AFAP1L2: variants seen among roughly 807,000 people sequenced by gnomAD.
The protein encoded by AFAP1L2 is actin filament associated protein 1 like 2, also known as actin filament-associated protein 1-like 2.
AFAP1L2 carries 46 observed loss-of-function variants against 99.3 expected under a neutral mutation model. The ratio of observed to expected loss-of-function variants is 0.46; its 90% CI spans 0.37 to 0.59. The LOEUF is 0.59. AFAP1L2 is among the 20% of genes least tolerant of loss of function. The pLI is 0.00. For synonymous variants in AFAP1L2, 397 were observed against 419.1 expected, an observed-to-expected ratio of 0.95 and a Z score of 0.64; for missense variants, 959 against 1,034.9, an observed-to-expected ratio of 0.93 and a Z score of 1.01.
At chr10:114,302,722 T>C (rs1438200210) in intron 11 of AFAP1L2, among the ~76,000 whole-genome samples, 1 of 152,166 alleles carries the variant, frequency 6.6e-6, no homozygotes, top group Non-Finnish European at 1.5e-5. Context: ...TGGACTTTTG[T>C]CCCAAGGGCC....
chr10:114,349,489 GGGA>G (rs1358189330), intron 1 of AFAP1L2, among the ~76,000 whole-genome samples: 8 of 151,380 alleles, frequency 5.3e-5, no homozygotes, highest in Admixed American at 4.6e-4. Context: ...CCCTGGAGGT[GGGA>G]GGATTGCTTG....
chr10:114,287,330 A>G, the AFAP1L2 span, among the ~76,000 whole-genome samples: 2 of 152,018 alleles, frequency 1.3e-5, no homozygotes, highest in Non-Finnish European at 1.5e-5. Context: ...ACAGGTGCAC[A>G]CCACCATGCC....
At chr10:114,300,757 C>T in intron 13 of AFAP1L2, 67 bp from the exon 14 acceptor site, 3 of 1,518,926 alleles carry the variant, frequency 2.0e-6, no homozygotes, top group Non-Finnish European at 1.8e-6. Flanking sequence ...GAGGGGGTAC[C>T]AGCCCTGCCT....
chr10:114,297,613 G>A (rs2040462440), intron 16 of AFAP1L2, among the ~76,000 whole-genome samples, 200 bp from the exon 17 acceptor site: 1 of 152,210 alleles, frequency 6.6e-6, no homozygotes, highest in African/African-American at 2.4e-5. Context: ...AAGGCTGGGA[G>A]GCTCTTGGGG....
chr10:114,358,994 TAC>T (rs1481044846), intron 1 of AFAP1L2, among the ~76,000 whole-genome samples: 1 of 152,198 alleles, frequency 6.6e-6, no homozygotes, highest in Admixed American at 6.6e-5. Flanking sequence ...GATTCGTATA[TAC>T]ATACAGGAGA....
At chr10:114,358,947 G>T (rs2051809158) in intron 1 of AFAP1L2, among the ~76,000 whole-genome samples, 1 of 151,986 alleles carries the variant, frequency 6.6e-6, no homozygotes, top group Non-Finnish European at 1.5e-5. Context: ...TAGAGCCTTA[G>T]CAGAGAAGGT....
chr10:114,327,147 T>TTTTATATATATATATATATATATA (rs1364666260), intron 4 of AFAP1L2, among the ~76,000 whole-genome samples: 18 of 54,568 alleles, frequency 3.3e-4, no homozygotes, highest in South Asian at 6.3e-4. Flanking sequence ...TTATATATAT[T>TTTTATATATATATATATATATATA]TATATATATA....
chr10:114,319,588 C>G (rs1196648992), intron 5 of AFAP1L2: 1 of 1,289,698 alleles, frequency 7.8e-7, no homozygotes, highest in Non-Finnish European at 1.0e-6. Context: ...ATAAATGACT[C>G]CTTCGGGCAC....
chr10:114,335,745 C>G (rs1480884622), intron 2 of AFAP1L2, among the ~76,000 whole-genome samples: 1 of 152,052 alleles, frequency 6.6e-6, no homozygotes, highest in Admixed American at 6.5e-5. Flanking sequence ...TACCCAAGAC[C>G]TAGAGTTTAA....
chr10:114,341,057 G>C (rs1448694929), intron 1 of AFAP1L2, among the ~76,000 whole-genome samples: 2 of 152,342 alleles, frequency 1.3e-5, no homozygotes, highest in African/African-American at 4.8e-5. Flanking sequence ...CCCTCACAGG[G>C]CTCTTGTGAA....
chr10:114,394,535 G>A (rs187218374), intron 1 of AFAP1L2, among the ~76,000 whole-genome samples: 12 of 152,296 alleles, frequency 7.9e-5, no homozygotes, highest in African/African-American at 2.9e-4. Context: ...AGATCCAGGA[G>A]ACCTGGAGAC....
At chr10:114,301,310 G>C in intron 13 of AFAP1L2, 44 bp downstream of exon 13, 1 of 1,485,706 alleles carries the variant, frequency 6.7e-7, no homozygotes, top group Non-Finnish European at 9.4e-7. Context: ...TTGGTAGGAG[G>C]AGGGCCTGGA....
At chr10:114,339,715 TAA>T (rs1384935355) in intron 2 of AFAP1L2, among the ~76,000 whole-genome samples, 2 of 152,062 alleles carry the variant, frequency 1.3e-5, no homozygotes, top group Non-Finnish European at 2.9e-5. Flanking sequence ...GATATCCTTA[TAA>T]AGAGAGGAGA....
chr10:114,319,086 G>A (rs1168271460), intron 5 of AFAP1L2, among the ~76,000 whole-genome samples: 1 of 152,170 alleles, frequency 6.6e-6, no homozygotes, highest in African/African-American at 2.4e-5. Context: ...CCTGGGAGGT[G>A]AAGGTTGCAG....
intron 5 of AFAP1L2, among the ~76,000 whole-genome samples, chr10:114,318,804 C>G (rs184168294): frequency 1.6e-4 from 24 of 147,424 alleles, no homozygotes; most frequent in African/African-American, 5.4e-4. Flanking sequence ...AAATTTAGAG[C>G]AAATATATTA....
In AFAP1L2 at chr10:114,295,120, CT is replaced by C. The variant is rs1291253361; in HGVS notation, c.*921del. 1 of 985,274 alleles carries C rather than the reference CT, an allele frequency of 1.0e-6. No homozygotes were observed. Among genetic ancestry groups the C allele is most frequent in the African/African-American group, 1.8e-5 (1 of 57,126 alleles). 61.0% of individuals were successfully genotyped at this position (985,274 alleles called of 1,614,324 possible). On this transcript the variant is annotated 3_prime_UTR_variant, in exon 19 of 19. Coordinates refer to ENST00000304129, the MANE Select transcript of AFAP1L2 (RefSeq NM_001001936.3). The stretch of plus-strand genomic sequence containing the variant: ...CGATCACCCTAACCAAAAATCACCA[CT>C]TTGTTCTTGGAAGGAGAATGAACAT...
intron 1 of AFAP1L2, among the ~76,000 whole-genome samples, chr10:114,363,767 T>C (rs1391458753): frequency 1.3e-5 from 2 of 152,202 alleles, no homozygotes; most frequent in African/African-American, 4.8e-5. Flanking sequence ...GTTCATATCA[T>C]GAAAGAACAG....
At chr10:114,324,410 C>T (rs11817292) in intron 4 of AFAP1L2, among the ~76,000 whole-genome samples, 5,941 of 128,514 alleles carry the variant, frequency 0.046, 802 homozygotes, top group African/African-American at 0.15. Context: ...CCCCCCCCCC[C>T]CCGGCTAATT....
In AFAP1L2 at chr10:114,329,413, A is replaced by G. The variant is rs113334310; in HGVS notation, c.315+2390T>C. On this transcript the variant is annotated intron_variant, in intron 4 of 18. Coordinates refer to ENST00000304129, the MANE Select transcript of AFAP1L2 (RefSeq NM_001001936.3). ...AACACAATTTCTAGAACACTCACAC[A>G]GTACGCGGTGCTCATGAAACTCTGC... Among the ~76,000 whole-genome samples the G allele has an allele frequency of 4.4e-3, 666 of 152,306 alleles. 4 individuals are homozygous for G. Among genetic ancestry groups the G allele is most frequent in the African/African-American group, 0.013 (543 of 41,574 alleles).
Sources: allele counts gnomAD v4.1 joint callset (sites outside exome capture counted in the v4.1 genomes callset), GRCh38; gene constraint gnomAD v4.1.1; transcripts MANE v1.5; gene names NCBI Gene and HGNC (gene_info 2026-07-23, HGNC 2026-07-21).